PHLPP1: variants seen among roughly 807,000 people sequenced by gnomAD.
PHLPP1 encodes the protein PH domain and leucine rich repeat protein phosphatase 1.
A neutral mutation model predicts 117.2 loss-of-function variants in PHLPP1; 42 were observed. The ratio of observed to expected loss-of-function variants is 0.36; its 90% CI spans 0.28 to 0.46. PHLPP1 has a LOEUF of 0.46. Ranked by LOEUF, PHLPP1 falls within the 20% of genes least tolerant of loss-of-function variation. PHLPP1 has a pLI of 1.00. For missense variants in PHLPP1, 2,084 were observed against 2,241.9 expected, an observed-to-expected ratio of 0.93 and a Z score of 1.42; for synonymous variants, 1,042 against 970.7, an observed-to-expected ratio of 1.07 and a Z score of -1.37.
intron 4 of PHLPP1, among the ~76,000 whole-genome samples, chr18:62,867,751 G>A (rs1418359528): frequency 6.6e-6 from 1 of 152,018 alleles, no homozygotes; most frequent in African/African-American, 2.4e-5. Context: ...CTGCCACGGC[G>A]ATGCATGCCA....
intron 10 of PHLPP1, among the ~76,000 whole-genome samples, chr18:62,940,592 C>G (rs1910104830): frequency 6.6e-6 from 1 of 151,988 alleles, no homozygotes; most frequent in Admixed American, 6.6e-5. Context: ...TCTCGATCTC[C>G]TGACCTTGTG....
chr18:62,773,385 T>C (rs1912854428), intron 1 of PHLPP1, among the ~76,000 whole-genome samples: 2 of 152,220 alleles, frequency 1.3e-5, no homozygotes, highest in Non-Finnish European at 2.9e-5. Context: ...ATGATTTTTT[T>C]TGGAGCTTCC....
At chr18:62,838,671 A>G (rs185091035) in intron 2 of PHLPP1, 113 bp from the exon 3 acceptor site, 5 of 1,018,294 alleles carry the variant, frequency 4.9e-6, no homozygotes, top group East Asian at 2.4e-5. Context: ...AGTAACATAT[A>G]TAGGGAAACA....
In PHLPP1 at chr18:62,730,951, G is replaced by A. The variant is rs78748690; in HGVS notation, c.1576+13692G>A. ...CACAGATGTTAATTAGAGTTAATTAGGGCTCATTAAGGAAGATGGGATCTA... is the reference window on the plus strand; with the variant it reads ...CACAGATGTTAATTAGAGTTAATTAAGGCTCATTAAGGAAGATGGGATCTA... On this transcript the variant is annotated intron_variant, in intron 1 of 16. Coordinates refer to ENST00000262719, the MANE Select transcript of PHLPP1 (RefSeq NM_194449.4). Among the ~76,000 whole-genome samples the A allele has an allele frequency of 7.7e-3, 1,177 of 152,300 alleles. 18 individuals are homozygous for A. The highest frequency in any genetic ancestry group is 0.027 in the African/African-American group (1,128 of 41,552).
intron 14 of PHLPP1, among the ~76,000 whole-genome samples, chr18:62,967,302 A>G (rs1297537303): frequency 1.3e-5 from 2 of 152,178 alleles, no homozygotes; most frequent in African/African-American, 4.8e-5. Context: ...GTGTATATTT[A>G]CTTTTGTAAG....
chr18:62,790,612 A>C (rs1024035763), intron 1 of PHLPP1, among the ~76,000 whole-genome samples: 1 of 152,168 alleles, frequency 6.6e-6, no homozygotes, highest in Admixed American at 6.5e-5. Context: ...GTTAGCAGCT[A>C]TCAGGATTTA....
chr18:62,873,757 T>C (rs2144376043), intron 4 of PHLPP1, among the ~76,000 whole-genome samples: 1 of 152,314 alleles, frequency 6.6e-6, no homozygotes, highest in South Asian at 2.1e-4. Context: ...TTACCATAGG[T>C]TAATTGATAT....
rs577087006 is a variant in PHLPP1, at chr18:62,836,093, C to CAT, written c.1774-2682_1774-2681dup. ...ACCGTGCCCGGCCTTGTTCTTGATA[C>CAT]ATATATATATTTTTAAATTACTGGG... On this transcript the variant is annotated intron_variant, in intron 2 of 16. Coordinates refer to ENST00000262719, the MANE Select transcript of PHLPP1 (RefSeq NM_194449.4). Among the ~76,000 whole-genome samples the CAT allele has an allele frequency of 1.4e-3, 209 of 151,572 alleles. 1 individual carries two copies. Among genetic ancestry groups the CAT allele is most frequent in the African/African-American group, 4.9e-3 (204 of 41,368 alleles).
At chr18:62,814,491 TC>T (rs1200325271) in intron 1 of PHLPP1, among the ~76,000 whole-genome samples, 3 of 152,314 alleles carry the variant, frequency 2.0e-5, no homozygotes, top group Middle Eastern at 3.4e-3. Flanking sequence ...ATTCTTTCTG[TC>T]ACTGGTCATA....
rs532571669 is a variant in PHLPP1, at chr18:62,965,837, T to A, written c.3560+2365T>A. Reference sequence around the variant, plus strand: ...GCTAAGAATGATCACCACTATACTTTAAAAAAAAAAAAAAGAAAGAAAAAA... The same window carrying A: ...GCTAAGAATGATCACCACTATACTTAAAAAAAAAAAAAAAGAAAGAAAAAA... On this transcript the variant is annotated intron_variant, in intron 14 of 16. Transcript: ENST00000262719. Among the ~76,000 whole-genome samples, 60 of 135,870 alleles carry A rather than the reference T, an allele frequency of 4.4e-4. 1 individual carries two copies. The highest frequency in any genetic ancestry group is 1.3e-3 in the African/African-American group (49 of 36,832). 89.1% of individuals were successfully genotyped at this position (135,870 alleles called of 152,430 possible).
intron 1 of PHLPP1, among the ~76,000 whole-genome samples, chr18:62,761,589 C>T (rs570391365): frequency 4.1e-4 from 62 of 151,372 alleles, no homozygotes; most frequent in African/African-American, 1.4e-3. Context: ...GCCGAGATCG[C>T]GCCACTGCGC....
At chr18:62,769,475 A>G (rs1912678166) in intron 1 of PHLPP1, among the ~76,000 whole-genome samples, 1 of 152,196 alleles carries the variant, frequency 6.6e-6, no homozygotes, top group Admixed American at 6.5e-5. Context: ...TTGTGTAATC[A>G]TGCGAGGATT....
At chr18:62,831,599 A>C (rs992530956) in intron 2 of PHLPP1, among the ~76,000 whole-genome samples, 1 of 152,152 alleles carries the variant, frequency 6.6e-6, no homozygotes, top group Non-Finnish European at 1.5e-5. Flanking sequence ...GGCCTCCCAG[A>C]GTGCTGAGAT....
At chr18:62,962,930 C>T (rs1287696101) in intron 13 of PHLPP1, among the ~76,000 whole-genome samples, 1 of 152,174 alleles carries the variant, frequency 6.6e-6, no homozygotes, top group Non-Finnish European at 1.5e-5. Flanking sequence ...ATGAATATTG[C>T]AGAATTCTCT....
chr18:62,900,356 T>A (rs1398357074), intron 6 of PHLPP1, among the ~76,000 whole-genome samples: 1 of 149,620 alleles, frequency 6.7e-6, no homozygotes, highest in African/African-American at 2.5e-5. Flanking sequence ...AATAAAAAGT[T>A]TGTCCTAGTT....
intron 1 of PHLPP1, among the ~76,000 whole-genome samples, chr18:62,750,998 C>G (rs1427395430): frequency 1.3e-5 from 2 of 152,094 alleles, no homozygotes; most frequent in African/African-American, 4.8e-5. Context: ...TCCTCAGGTG[C>G]CCAAAGTCCC....
chr18:62,958,665 A>T lies in PHLPP1; in HGVS notation c.3361A>T (p.Thr1121Ser), dbSNP rs757732251. 2 of 1,613,784 alleles carry T rather than the reference A, an allele frequency of 1.2e-6. No homozygotes were observed. The highest frequency in any genetic ancestry group is 1.1e-5 in the South Asian group (1 of 91,084). Residue 1121 changes from threonine (T) to serine (S), a missense_variant, in exon 13 of 17, where the codon ACA becomes TCA. This residue lies in a region of PHLPP1 where 1,365 missense variants were observed against 1,605.9 expected (regional missense o/e 0.85). Coordinates refer to ENST00000262719, the MANE Select transcript of PHLPP1 (RefSeq NM_194449.4). ...GAGCTGTAATGAGCTAAGTGAAGTC[A>T]CATTACCAGAAAACCTGCCTCCCAA... The part of the protein sequence containing the change: ...DLSCNELSEV[T>S]LPENLPPKLQ...
In PHLPP1 at chr18:62,804,057, G is replaced by A. The variant is rs75549311; in HGVS notation, c.1577-25978G>A. Among the ~76,000 whole-genome samples, 954 of 152,230 alleles carry A rather than the reference G, an allele frequency of 6.3e-3. 15 individuals are homozygous for A. Among genetic ancestry groups the A allele is most frequent in the African/African-American group, 0.022 (913 of 41,540 alleles). ...TATATAAAGGGAAAGATGTGTAATTGACTCACAGTTCCAAATGGCTGGAAG... is the reference window on the plus strand; with the variant it reads ...TATATAAAGGGAAAGATGTGTAATTAACTCACAGTTCCAAATGGCTGGAAG... On this transcript the variant is annotated intron_variant, in intron 1 of 16. Transcript: ENST00000262719.
At chr18:62,847,217 C>G (rs1915203422) in intron 3 of PHLPP1, among the ~76,000 whole-genome samples, 1 of 152,188 alleles carries the variant, frequency 6.6e-6, no homozygotes, top group Admixed American at 6.5e-5. Flanking sequence ...ATCTCTTCCC[C>G]CTTCTTTCTC....
Sources: allele counts gnomAD v4.1 joint callset (sites outside exome capture counted in the v4.1 genomes callset), GRCh38; gene constraint gnomAD v4.1.1; regional missense constraint gnomAD v4.1.1; transcripts MANE v1.5; gene names NCBI Gene and HGNC (gene_info 2026-07-23, HGNC 2026-07-21).